TTC23: variants seen among roughly 807,000 people sequenced by gnomAD.
TTC23 encodes tetratricopeptide repeat protein 23.
TTC23 carries 58 observed loss-of-function variants against 55.1 expected under a neutral mutation model. The ratio of observed to expected loss-of-function variants is 1.05; its 90% confidence interval spans 0.85 to 1.31. TTC23 has a LOEUF of 1.31. Among genes scored for constraint, TTC23 ranks in the 50% most tolerant of loss-of-function variants. The pLI, the probability that TTC23 is intolerant of heterozygous loss-of-function variation, is 0.00. For synonymous variants in TTC23, 203 were observed against 199.9 expected, an observed-to-expected ratio of 1.02 and a Z score of -0.13; for missense variants, 516 against 534.4, an observed-to-expected ratio of 0.97 and a Z score of 0.34.
chr15:99,141,338 ATAATT>A (rs2068211692), intron 12 of TTC23, among the ~76,000 whole-genome samples: 1 of 152,220 alleles, frequency 6.6e-6, no homozygotes, highest in African/African-American at 2.4e-5. Context: ...AATATGTATT[ATAATT>A]TAATATGAAG....
chr15:99,156,226 C>A lies in TTC23; in HGVS notation c.1065G>T (p.Val355=), dbSNP rs142969766. The stretch of plus-strand genomic sequence containing the variant: ...CTCCCAGGAGCCGGTATGTCTCTGC[C>A]ACCTCGGGACTGAAATCGCCAAATG... ...VEAFGDFSPE[V]AETYRLLGGA... Residue 355 remains valine (V), a synonymous_variant, in exon 12 of 14, where the codon GTG becomes GTT. Coordinates refer to ENST00000394132, the MANE Select transcript of TTC23 (RefSeq NM_001288615.3). 6.8e-6 allele frequency: 11 copies of A among 1,614,140 alleles called. No individual in the cohort carries two copies. In the African/African-American group the frequency reaches 1.3e-4, roughly 20 times the overall value.
At chr15:99,218,327 A>T (rs960565971) in intron 8 of TTC23, among the ~76,000 whole-genome samples, 1 of 152,086 alleles carries the variant, frequency 6.6e-6, no homozygotes, top group Non-Finnish European at 1.5e-5. Context: ...GAGGAGGGAG[A>T]GCAGGTAAAA....
intron 9 of TTC23, among the ~76,000 whole-genome samples, chr15:99,176,236 G>A (rs763574428): frequency 4.6e-5 from 7 of 152,068 alleles, no homozygotes; most frequent in African/African-American, 7.2e-5. Context: ...AATAAAATAC[G>A]GTGAAGTAAG....
chr15:99,158,374 T>C (rs1435732180), intron 11 of TTC23: 4 of 152,132 alleles, frequency 2.6e-5, no homozygotes, highest in Non-Finnish European at 5.9e-5. Context: ...AGATAAAGCT[T>C]TGGATGCCGC....
intron 5 of TTC23, among the ~76,000 whole-genome samples, chr15:99,225,349 T>C (rs771001025): frequency 3.3e-5 from 5 of 152,070 alleles, no homozygotes; most frequent in Non-Finnish European, 7.4e-5. Flanking sequence ...GGAAGGCAAT[T>C]TCAAAACTGG....
intron 10 of TTC23, among the ~76,000 whole-genome samples, chr15:99,164,773 C>T (rs76351127): frequency 7.2e-4 from 110 of 152,272 alleles, no homozygotes; most frequent in African/African-American, 2.6e-3. Context: ...ATGCCAGGTG[C>T]TTCCCAAGTG....
intron 10 of TTC23, among the ~76,000 whole-genome samples, chr15:99,172,986 G>A (rs541685066): frequency 6.6e-6 from 1 of 152,340 alleles, no homozygotes; most frequent in East Asian, 1.9e-4. Flanking sequence ...CTAGGGCACA[G>A]ATTCACTAGG....
At chr15:99,166,212 G>T (rs1303031753) in intron 10 of TTC23, among the ~76,000 whole-genome samples, 1 of 152,174 alleles carries the variant, frequency 6.6e-6, no homozygotes, top group Non-Finnish European at 1.5e-5. Context: ...CCCTGGCACG[G>T]GTGGACACAG....
chr15:99,183,848 C>T (rs1001701897), intron 9 of TTC23, among the ~76,000 whole-genome samples: 2 of 152,136 alleles, frequency 1.3e-5, no homozygotes, highest in Admixed American at 1.3e-4. Flanking sequence ...ATGCCAGAGA[C>T]CTTCACAGCA....
At chr15:99,171,854 G>A (rs1384791699) in intron 10 of TTC23, among the ~76,000 whole-genome samples, 7 of 151,524 alleles carry the variant, frequency 4.6e-5, no homozygotes, top group Non-Finnish European at 1.0e-4. Context: ...ACAGGTGTGA[G>A]CCACTGGGCC....
intron 9 of TTC23, among the ~76,000 whole-genome samples, chr15:99,196,485 G>A (rs2602034): frequency 0.6 from 91,274 of 151,974 alleles, 27,615 homozygotes; most frequent in Middle Eastern, 0.69. Flanking sequence ...TTGTAAACCC[G>A]CCAGTGTGCC....
At chr15:99,246,777 G>A (rs947036102) in intron 1 of TTC23, among the ~76,000 whole-genome samples, 2 of 152,046 alleles carry the variant, frequency 1.3e-5, no homozygotes, top group Non-Finnish European at 2.9e-5. Context: ...AAAATTAGCT[G>A]GGCGTGGTCG....
At chr15:99,208,710 A>T (rs1350553118) in intron 8 of TTC23, among the ~76,000 whole-genome samples, 1 of 145,396 alleles carries the variant, frequency 6.9e-6, no homozygotes, top group African/African-American at 2.7e-5. Flanking sequence ...GGCAAAATAG[A>T]AAATAAAATT....
chr15:99,179,301 G>T (rs139053516), intron 9 of TTC23, among the ~76,000 whole-genome samples: 2 of 152,054 alleles, frequency 1.3e-5, no homozygotes, highest in Admixed American at 6.5e-5. Context: ...CTCTTGGGGG[G>T]CCCTAGATCT....
chr15:99,200,324 G>T (rs561476732), intron 8 of TTC23, among the ~76,000 whole-genome samples: 1 of 152,232 alleles, frequency 6.6e-6, no homozygotes, highest in Non-Finnish European at 1.5e-5. Context: ...CTAGATGTAC[G>T]ATCTTCCAGT....
At chr15:99,182,827 T>TC (rs1208348441) in intron 9 of TTC23, among the ~76,000 whole-genome samples, 1 of 124,928 alleles carries the variant, frequency 8.0e-6, no homozygotes, top group African/African-American at 2.8e-5. Context: ...TAGTTATTAC[T>TC]TAAAAAAAAA....
At chr15:99,158,508 G>A (rs1372434906) in intron 11 of TTC23, 1 of 152,302 alleles carries the variant, frequency 6.6e-6, no homozygotes, top group Admixed American at 6.5e-5. Context: ...AGAGTAAAGA[G>A]GACTTAGGTG....
chr15:99,175,920 G>C (rs1362296069), intron 9 of TTC23, among the ~76,000 whole-genome samples: 1 of 152,182 alleles, frequency 6.6e-6, no homozygotes. Context: ...GCTTGAACCT[G>C]GGAGGTGGAG....
chr15:99,240,759 C>T (rs932249923), intron 3 of TTC23, among the ~76,000 whole-genome samples: 3 of 152,222 alleles, frequency 2.0e-5, no homozygotes, highest in African/African-American at 7.2e-5. Flanking sequence ...GCCAACACCA[C>T]TCATTTTCTG....
Sources: gnomAD v4.1 joint callset for allele counts (sites outside exome capture counted in the v4.1 genomes callset) on GRCh38, gnomAD v4.1.1 for gene constraint, MANE v1.5 for transcripts, NCBI Gene and HGNC (gene_info 2026-07-23, HGNC 2026-07-21) for gene names.